The following ZFAT variants were observed in gnomAD, a reference collection of about 807,000 sequenced individuals.
The protein encoded by ZFAT is zinc finger protein ZFAT.
In ZFAT, 64 loss-of-function variants were observed where a neutral mutation model predicts 117.7. That is an observed-to-expected ratio of 0.54 (90% CI 0.44 to 0.67). ZFAT has a LOEUF of 0.67. ZFAT is among the 30% of genes least tolerant of loss of function. The pLI is 0.00. For synonymous variants in ZFAT, 679 were observed against 615.0 expected (o/e 1.10, Z -1.54); for missense variants, 1,433 against 1,584.5 (o/e 0.90, Z 1.62).
chr8:134,640,529 G>A (rs1830522265), intron 2 of ZFAT, among the ~76,000 whole-genome samples: 2 of 152,248 alleles, frequency 1.3e-5, no homozygotes, highest in South Asian at 4.1e-4. Context: ...GAGACTCCTC[G>A]AAGGCAGAGT....
At position 134,478,571 on chromosome 8, in the gene ZFAT, C is replaced by A. The variant is rs200658838; in HGVS notation, c.3643G>T (p.Gly1215Trp). ...TAGACGATGAACTCCGAGGCCTCCC[C>A]GCCCTGCGTGTAGACAGTCACCGTC... ...IETVTVYTQGGEASEFIVYVQ... is the reference protein window; with the variant it reads ...IETVTVYTQGWEASEFIVYVQ... Residue 1215 changes from glycine (G) to tryptophan (W), a missense_variant, in exon 16 of 16, where the codon GGG (glycine) becomes TGG (tryptophan). Gly to Trp is a radical substitution (Grantham distance 184). Transcript: ENST00000377838. This position sits in a 1 kb window ranked among gnomAD's most constrained non-coding sequence, Gnocchi z 5.2. 2 of 1,594,152 alleles carry A rather than the reference C, an allele frequency of 1.3e-6. No individual in the cohort carries two copies. Among genetic ancestry groups the A allele is most frequent in the East Asian group, 4.6e-5 (2 of 43,530 alleles).
the ZFAT span, among the ~76,000 whole-genome samples, chr8:134,776,100 T>A: frequency 6.6e-6 from 1 of 152,224 alleles, no homozygotes; most frequent in Non-Finnish European, 1.5e-5. Context: ...GTAAGTCCTC[T>A]TAAATAGAAA....
chr8:134,482,076 C>T lies in ZFAT; in HGVS notation c.3493-3355G>A, dbSNP rs558540823. Among the ~76,000 whole-genome samples the T allele has an allele frequency of 2.2e-4, 34 of 152,344 alleles. No homozygotes were observed. The South Asian group carries it at 3.3e-3, about 15-fold the overall frequency. ...CCCCAGCACTGGGCTCTGTTCCGCG[C>T]CCTCTCCCAGACTGCAGGGTGGCTC... On this transcript the variant is annotated intron_variant, in intron 15 of 15. Transcript: ENST00000377838.
intron 11 of ZFAT, among the ~76,000 whole-genome samples, chr8:134,534,775 A>AGAGAGAGAGAGAG (rs1821706312): frequency 7.5e-4 from 102 of 136,438 alleles, no homozygotes; most frequent in African/African-American, 2.6e-3. Flanking sequence ...GAGAGGGAGA[A>AGAGAGAGAGAGAG]AGAGAGAGAG....
chr8:134,760,839 C>T, the ZFAT span, among the ~76,000 whole-genome samples: 1 of 152,072 alleles, frequency 6.6e-6, no homozygotes, highest in East Asian at 1.9e-4. Flanking sequence ...AACATCTGCT[C>T]AAAGTTACAA....
At chr8:134,566,708 ATAT>A (rs1160645796) in intron 10 of ZFAT, among the ~76,000 whole-genome samples, 1 of 151,944 alleles carries the variant, frequency 6.6e-6, no homozygotes, top group Non-Finnish European at 1.5e-5. Context: ...TCCCTCTTAG[ATAT>A]TCCCCCTCCC....
chr8:134,807,547 G>A, the ZFAT span, among the ~76,000 whole-genome samples: 130 of 152,194 alleles, frequency 8.5e-4, no homozygotes, highest in African/African-American at 3.1e-3. Context: ...TGTCAGAAAT[G>A]GTTGGCTACA....
intron 15 of ZFAT, among the ~76,000 whole-genome samples, chr8:134,494,448 G>A (rs1367332840): frequency 2.0e-5 from 3 of 152,168 alleles, no homozygotes; most frequent in African/African-American, 4.8e-5. Flanking sequence ...ACACTGTCTC[G>A]GTGCCTGCTG....
At chr8:134,495,786 C>T (rs1818390995) in intron 15 of ZFAT, among the ~76,000 whole-genome samples, 1 of 152,168 alleles carries the variant, frequency 6.6e-6, no homozygotes, top group Non-Finnish European at 1.5e-5. Flanking sequence ...AAAAATTAGC[C>T]AGGCACAGTG....
chr8:134,573,101 G>A (rs1252345671), intron 10 of ZFAT, among the ~76,000 whole-genome samples: 3 of 152,182 alleles, frequency 2.0e-5, no homozygotes, highest in Admixed American at 6.5e-5. Flanking sequence ...AGGAGAGACA[G>A]GCAATAATGT....
At chr8:134,480,811 C>T (rs932780533) in intron 15 of ZFAT, among the ~76,000 whole-genome samples, 1 of 152,236 alleles carries the variant, frequency 6.6e-6, no homozygotes, top group Non-Finnish European at 1.5e-5. Context: ...TGACTCTGCA[C>T]TCTCTCTGGG....
chr8:134,569,324 C>T (rs1221083707), intron 10 of ZFAT, among the ~76,000 whole-genome samples: 1 of 152,072 alleles, frequency 6.6e-6, no homozygotes, highest in Non-Finnish European at 1.5e-5. Flanking sequence ...GTGGCAGAGC[C>T]CAGATTTGGC....
chr8:134,820,369 AATACATCT>A, the ZFAT span, among the ~76,000 whole-genome samples: 1 of 152,238 alleles, frequency 6.6e-6, no homozygotes, highest in Non-Finnish European at 1.5e-5. Context: ...GTGGAAATGT[AATACATCT>A]ACCAAGACTG....
rs759539184 is a variant in ZFAT at position 134,509,743 on chromosome 8, C to T, written c.3368G>A (p.Arg1123Gln). ...GATGTTCACGGCCGTGGGGTCCAGT[C>T]GGTCGCCTTAAGAGGAAGAAGCAAA... ...DLRYTSESGD[R>Q]LDPTAVNILQ... Residue 1123 changes from arginine to glutamine, a missense_variant, in exon 15 of 16, where the codon CGA becomes CAA. Physicochemically the swap from Arg to Gln is conservative, Grantham distance 43. Transcript: ENST00000377838. The T allele has an allele frequency of 1.8e-5, 29 of 1,602,864 alleles. No homozygotes were observed. The East Asian group carries it at 6.1e-4, about 33-fold the overall frequency.
intron 3 of ZFAT, among the ~76,000 whole-genome samples, chr8:134,615,172 C>A (rs7819841): frequency 1.3e-5 from 2 of 152,000 alleles, no homozygotes; most frequent in African/African-American, 4.8e-5. Context: ...GTGACTCTGG[C>A]AGCGGCTAAG....
At chr8:134,620,665 T>C (rs565506692) in intron 3 of ZFAT, among the ~76,000 whole-genome samples, 1 of 152,308 alleles carries the variant, frequency 6.6e-6, no homozygotes, top group Non-Finnish European at 1.5e-5. Flanking sequence ...TCCGAGATGG[T>C]AGGATACAGC....
At position 134,565,400 on chromosome 8, in the gene ZFAT, A is replaced by G. The variant is rs1050205999; in HGVS notation, c.2909T>C (p.Val970Ala). 13 of 1,613,630 alleles carry G rather than the reference A, an allele frequency of 8.1e-6. No individual in the cohort carries two copies. The highest frequency in any genetic ancestry group is 1.1e-5 in the Non-Finnish European group (13 of 1,179,822). ...TADGKQFKCT[V>A]CDYTAAQKPQ... ...CTTCTGGGCCGCTGTGTAGTCACAC[A>G]CCGTGCACTTAAACTGCTTCCCTGG... The change falls in exon 11 of 16, where the codon GTG becomes GCG. Residue 970 changes from valine to alanine, a missense_variant. Physicochemically the swap from Val to Ala is moderately conservative, Grantham distance 64. Around this residue, in one of 5 missense-constraint regions of ZFAT, gnomAD observed 503 missense variants for 543.4 expected, o/e 0.93. Transcript: ENST00000377838.
intron 15 of ZFAT, among the ~76,000 whole-genome samples, chr8:134,501,451 A>G (rs1243984043): frequency 1.3e-5 from 2 of 152,228 alleles, no homozygotes; most frequent in Admixed American, 6.5e-5. Context: ...GTTACCATCA[A>G]TTCTTTTACA....
chr8:134,658,313 G>A (rs772838520), intron 1 of ZFAT, among the ~76,000 whole-genome samples: 21 of 144,620 alleles, frequency 1.5e-4, no homozygotes, highest in Non-Finnish European at 2.4e-4. Flanking sequence ...CTCCAGCCTG[G>A]GCGACAGAGC....
Sources: gnomAD v4.1 joint callset for allele counts (sites outside exome capture counted in the v4.1 genomes callset) on GRCh38, gnomAD v4.1.1 for gene constraint, gnomAD v4.1.1 regional missense constraint, Gnocchi (gnomAD v3.1) non-coding constraint, MANE v1.5 for transcripts, NCBI Gene and HGNC (gene_info 2026-07-23, HGNC 2026-07-21) for gene names.